The following STX18 variants were observed in gnomAD, a reference collection of about 807,000 sequenced individuals.
The protein encoded by STX18 is syntaxin 18, also known as syntaxin-18.
A neutral mutation model predicts 50.1 loss-of-function variants in STX18; 40 were observed. The ratio of observed to expected loss-of-function variants is 0.80; its 90% CI spans 0.62 to 1.04. STX18 has a LOEUF of 1.04. STX18 is among the 50% of genes least tolerant of loss of function. The pLI is 0.00. For missense variants in STX18, 410 were observed against 415.8 expected (o/e 0.99, Z 0.12); for synonymous variants, 158 against 151.8 (o/e 1.04, Z -0.30).
intron 1 of STX18, among the ~76,000 whole-genome samples, chr4:4,514,186 C>T (rs1355063410): frequency 6.6e-6 from 1 of 152,274 alleles, no homozygotes; most frequent in Admixed American, 6.5e-5. Context: ...CTCCAAGAAT[C>T]ATGAAGAAAA....
intron 1 of STX18, among the ~76,000 whole-genome samples, chr4:4,527,192 T>C (rs1730810240): frequency 6.6e-6 from 1 of 152,140 alleles, no homozygotes; most frequent in African/African-American, 2.4e-5. Context: ...CAATCAACCA[T>C]CACATTCTAT....
At chr4:4,495,549 A>AT (rs1288977012) in intron 1 of STX18, among the ~76,000 whole-genome samples, 1 of 138,492 alleles carries the variant, frequency 7.2e-6, no homozygotes. Context: ...TGTCTGGCTA[A>AT]TTTTTTTTCT....
chr4:4,524,741 C>T (rs1730672794), intron 1 of STX18, among the ~76,000 whole-genome samples: 1 of 152,238 alleles, frequency 6.6e-6, no homozygotes, highest in Non-Finnish European at 1.5e-5. Flanking sequence ...TACCACTAGA[C>T]TTTTCAGTGA....
chr4:4,478,234 A>C (rs1394140141), intron 1 of STX18, among the ~76,000 whole-genome samples: 2 of 150,396 alleles, frequency 1.3e-5, no homozygotes, highest in Admixed American at 1.3e-4. Context: ...CAAAAAAAAA[A>C]AACAAAAACG....
intron 1 of STX18, chr4:4,507,321 C>A: frequency 1.4e-6 from 1 of 734,984 alleles, no homozygotes; most frequent in Non-Finnish European, 2.6e-6. Context: ...AGGCTCAGCT[C>A]ACAGAGCTGA....
chr4:4,510,283 C>G (rs1729936000), intron 1 of STX18, among the ~76,000 whole-genome samples: 1 of 152,052 alleles, frequency 6.6e-6, no homozygotes, highest in South Asian at 2.1e-4. Flanking sequence ...AGATCATCCC[C>G]AGTCATAGTT....
chr4:4,432,291 A>T (rs1355219668), intron 7 of STX18, among the ~76,000 whole-genome samples: 1 of 152,182 alleles, frequency 6.6e-6, no homozygotes, highest in East Asian at 1.9e-4. Context: ...TCTGTGTGAA[A>T]CTGAATTGTA....
At chr4:4,456,430 C>T (rs1374049757) in intron 5 of STX18, among the ~76,000 whole-genome samples, 4 of 152,176 alleles carry the variant, frequency 2.6e-5, no homozygotes, top group Admixed American at 6.5e-5. Flanking sequence ...TGAGTTGCAG[C>T]GGGAACGACT....
chr4:4,448,590 C>T (rs902137176), intron 5 of STX18, among the ~76,000 whole-genome samples: 4 of 152,210 alleles, frequency 2.6e-5, no homozygotes, highest in African/African-American at 4.8e-5. Flanking sequence ...GATCCACCTG[C>T]CTCGGCCTCC....
At chr4:4,445,388 A>C (rs1374288677) in intron 5 of STX18, among the ~76,000 whole-genome samples, 2 of 152,180 alleles carry the variant, frequency 1.3e-5, no homozygotes, top group African/African-American at 2.4e-5. Flanking sequence ...CCTGGGCAAC[A>C]AGAACGAAAC....
chr4:4,444,948 C>G (rs1213266882), intron 5 of STX18, among the ~76,000 whole-genome samples: 7 of 152,184 alleles, frequency 4.6e-5, no homozygotes, highest in Non-Finnish European at 1.0e-4. Context: ...GAAAAGATGT[C>G]CATCCTAACC....
intron 1 of STX18, among the ~76,000 whole-genome samples, chr4:4,482,058 A>C (rs1728488862): frequency 6.6e-6 from 1 of 152,030 alleles, no homozygotes; most frequent in Non-Finnish European, 1.5e-5. Flanking sequence ...TCCCCTCCTG[A>C]AGCACTAGCC....
chr4:4,436,416 C>T (rs996602161), intron 6 of STX18, among the ~76,000 whole-genome samples: 2 of 151,530 alleles, frequency 1.3e-5, no homozygotes, highest in Admixed American at 6.6e-5. Flanking sequence ...CCCACCCCCA[C>T]CTTATGAGCT....
rs139298304 is a variant in STX18, at chr4:4,420,965, A to G, written c.832-21T>C. 247 of 1,611,864 alleles carry G rather than the reference A, an allele frequency of 1.5e-4. No homozygotes were observed. The African/African-American group carries it at 3.2e-3, about 21-fold the overall frequency. Reference sequence around the variant, plus strand: ...GCTTCCTGTGGAAGAAAAGATAAATACAAGTTGAGTATCCTTTATCCAAAA... The same window carrying G: ...GCTTCCTGTGGAAGAAAAGATAAATGCAAGTTGAGTATCCTTTATCCAAAA... On this transcript the variant is annotated intron_variant, in intron 9 of 10. Coordinates refer to ENST00000306200, the MANE Select transcript of STX18 (RefSeq NM_016930.4). This position sits in a 1 kb window ranked among gnomAD's most constrained non-coding sequence, Gnocchi z 4.3.
rs375906833 is a variant in STX18, at chr4:4,541,977, C to T, written c.-13G>A. 3.6e-5 allele frequency: 57 copies of T among 1,594,436 alleles called. No individual in the cohort carries two copies. In the African/African-American group the frequency reaches 7.2e-4, roughly 20 times the overall value. ...TGTCCACCGCCATAGCGACCCGCAC[C>T]CTCAGCCCCACACTAGGCCCGCCCA... is the stretch of plus-strand genomic sequence containing the variant. On this transcript the variant is annotated 5_prime_UTR_variant, in exon 1 of 11. Coordinates refer to ENST00000306200, the MANE Select transcript of STX18 (RefSeq NM_016930.4).
intron 1 of STX18, among the ~76,000 whole-genome samples, chr4:4,531,882 CTTT>C (rs1017601482): frequency 6.6e-6 from 1 of 151,996 alleles, no homozygotes; most frequent in Non-Finnish European, 1.5e-5. Flanking sequence ...CATTTTTTGT[CTTT>C]TTAAGAGGCT....
At chr4:4,437,839 G>A (rs1325113229) in intron 6 of STX18, among the ~76,000 whole-genome samples, 1 of 152,212 alleles carries the variant, frequency 6.6e-6, no homozygotes, top group African/African-American at 2.4e-5. Flanking sequence ...CACTGTGTAT[G>A]TCCCCCTACA....
chr4:4,484,679 G>A (rs767164100), intron 1 of STX18, among the ~76,000 whole-genome samples: 18 of 152,128 alleles, frequency 1.2e-4, no homozygotes, highest in Admixed American at 2.6e-4. Flanking sequence ...AAAACATCAC[G>A]GAGAGGCTTT....
chr4:4,480,480 T>C (rs1728404954), intron 1 of STX18, among the ~76,000 whole-genome samples: 1 of 152,168 alleles, frequency 6.6e-6, no homozygotes, highest in Non-Finnish European at 1.5e-5. Context: ...CCCTGCTAAC[T>C]CGAGGCCAGG....
Sources: gnomAD v4.1 joint callset for allele counts (sites outside exome capture counted in the v4.1 genomes callset) on GRCh38, gnomAD v4.1.1 for gene constraint, Gnocchi (gnomAD v3.1) non-coding constraint, MANE v1.5 for transcripts, NCBI Gene and HGNC (gene_info 2026-07-23, HGNC 2026-07-21) for gene names.